The following OPCML variants were observed in gnomAD, a reference collection of about 807,000 sequenced individuals.
The protein encoded by OPCML is opioid-binding protein/cell adhesion molecule.
In OPCML, 13 loss-of-function variants were observed where a neutral mutation model predicts 37.8. The ratio of observed to expected loss-of-function variants is 0.34; its 90% confidence interval spans 0.22 to 0.55. The LOEUF (loss-of-function observed/expected upper bound fraction) is 0.55, where lower values mean the gene tolerates loss of function less well. OPCML is among the 20% of genes least tolerant of loss of function. OPCML has a pLI of 0.91. For synonymous variants in OPCML, 176 were observed against 168.8 expected, an observed-to-expected ratio of 1.04 and a Z score of -0.33; for missense variants, 341 against 435.6, an observed-to-expected ratio of 0.78 and a Z score of 1.93.
intron 2 of OPCML, among the ~76,000 whole-genome samples, chr11:132,920,490 T>C (rs1944753870): frequency 6.6e-6 from 1 of 152,174 alleles, no homozygotes; most frequent in Non-Finnish European, 1.5e-5. Flanking sequence ...CACTGGGTGC[T>C]CTGGGTGCTG....
chr11:132,687,177 G>A (rs1481845181), intron 2 of OPCML, among the ~76,000 whole-genome samples: 2 of 151,392 alleles, frequency 1.3e-5, no homozygotes, highest in Non-Finnish European at 2.9e-5. Context: ...TATGTATTAC[G>A]GTTAGGAATT....
At chr11:132,436,337 C>G (rs1015565959) in intron 6 of OPCML, 100 bp from the exon 7 acceptor site, 1 of 1,599,150 alleles carries the variant, frequency 6.3e-7, no homozygotes, top group African/African-American at 1.3e-5. Flanking sequence ...AAACTCAAAC[C>G]CTAAGCACTT....
chr11:132,639,631 A>G (rs984062286), intron 3 of OPCML, among the ~76,000 whole-genome samples: 4 of 152,214 alleles, frequency 2.6e-5, no homozygotes, highest in Non-Finnish European at 5.9e-5. Context: ...CTAAATGTAA[A>G]TATATGCAAA....
intron 1 of OPCML, among the ~76,000 whole-genome samples, chr11:133,373,078 A>G (rs1185187487): frequency 6.6e-6 from 1 of 152,184 alleles, no homozygotes; most frequent in Non-Finnish European, 1.5e-5. Flanking sequence ...AAAAATTAAT[A>G]CAGTGCAATA....
chr11:132,763,102 C>T (rs1009015219), intron 2 of OPCML, among the ~76,000 whole-genome samples: 22 of 152,022 alleles, frequency 1.4e-4, no homozygotes, highest in South Asian at 2.1e-4. Flanking sequence ...CCGGGTGAGG[C>T]GACACCCTAC....
intron 1 of OPCML, among the ~76,000 whole-genome samples, chr11:133,501,839 C>G (rs73587635): frequency 0.015 from 2,331 of 152,222 alleles, 51 homozygotes; most frequent in African/African-American, 0.052. Context: ...CTCACCAGTC[C>G]GGGCTCCTCA....
intron 1 of OPCML, chr11:133,007,186 T>A: frequency 1.0e-6 from 1 of 985,408 alleles, no homozygotes. Context: ...GGACTCTGTC[T>A]CACATAGCAC....
intron 3 of OPCML, among the ~76,000 whole-genome samples, chr11:132,632,430 G>A (rs1940210710): frequency 6.6e-6 from 1 of 152,052 alleles, no homozygotes; most frequent in African/African-American, 2.4e-5. Flanking sequence ...CTATTTCCAT[G>A]TGAAAAATGA....
At chr11:132,631,718 T>G (rs557335948) in intron 3 of OPCML, among the ~76,000 whole-genome samples, 1 of 152,158 alleles carries the variant, frequency 6.6e-6, no homozygotes, top group African/African-American at 2.4e-5. Flanking sequence ...TATTCACATT[T>G]AACTCTGTTT....
chr11:132,662,412 CAAA>C (rs57243826), intron 2 of OPCML, among the ~76,000 whole-genome samples: 3 of 119,946 alleles, frequency 2.5e-5, no homozygotes, highest in Non-Finnish European at 3.6e-5. Flanking sequence ...TTTGAAAATG[CAAA>C]AAAAAAAAAA....
chr11:132,817,460 C>CT (rs1565885277), intron 2 of OPCML, among the ~76,000 whole-genome samples: 2 of 151,862 alleles, frequency 1.3e-5, no homozygotes, highest in Non-Finnish European at 2.9e-5. Context: ...TTCATGGCTT[C>CT]TTTTTTTGTC....
intron 1 of OPCML, chr11:133,421,310 C>T (rs769320331): frequency 9.0e-5 from 89 of 985,178 alleles, no homozygotes; most frequent in Non-Finnish European, 1.1e-4. Context: ...CAGCTGTGGG[C>T]TCAAGAGAGT....
At chr11:133,396,512 A>G (rs1945289458) in intron 1 of OPCML, among the ~76,000 whole-genome samples, 1 of 152,190 alleles carries the variant, frequency 6.6e-6, no homozygotes, top group African/African-American at 2.4e-5. Flanking sequence ...CAGGCTCTCA[A>G]TCTCTTAGGA....
At chr11:133,287,425 G>A (rs1345964527) in intron 1 of OPCML, among the ~76,000 whole-genome samples, 9 of 150,426 alleles carry the variant, frequency 6.0e-5, no homozygotes, top group Middle Eastern at 3.4e-3. Context: ...ATATTGCTTC[G>A]ACATGCACAG....
chr11:132,632,683 C>T (rs999000499), intron 3 of OPCML, among the ~76,000 whole-genome samples: 11 of 152,004 alleles, frequency 7.2e-5, no homozygotes, highest in East Asian at 1.9e-4. Context: ...TTCAGCAAGG[C>T]GAGGTAATCA....
intron 1 of OPCML, among the ~76,000 whole-genome samples, chr11:133,376,212 T>A (rs926347402): frequency 1.5e-4 from 23 of 152,206 alleles, no homozygotes; most frequent in African/African-American, 5.1e-4. Flanking sequence ...AATGTGCCTT[T>A]TGTAATAAAC....
At chr11:132,849,730 A>T (rs974115746) in intron 2 of OPCML, among the ~76,000 whole-genome samples, 3 of 152,226 alleles carry the variant, frequency 2.0e-5, no homozygotes, top group African/African-American at 7.2e-5. Flanking sequence ...CAGCCCTTGA[A>T]AGGGACCCAG....
chr11:132,522,675 A>G (rs1319313674), intron 4 of OPCML, among the ~76,000 whole-genome samples: 1 of 152,256 alleles, frequency 6.6e-6, no homozygotes, highest in Non-Finnish European at 1.5e-5. Flanking sequence ...TTTGAGGATC[A>G]GTGAGATAAA....
intron 3 of OPCML, among the ~76,000 whole-genome samples, chr11:132,631,621 G>A (rs956581603): frequency 3.3e-5 from 5 of 150,196 alleles, no homozygotes; most frequent in Admixed American, 2.0e-4. Context: ...CACCACGCCC[G>A]GCTAATTTTT....
Sources: allele counts gnomAD v4.1 joint callset (sites outside exome capture counted in the v4.1 genomes callset), GRCh38; gene constraint gnomAD v4.1.1; transcripts MANE v1.5; gene names NCBI Gene and HGNC (gene_info 2026-07-23, HGNC 2026-07-21).